The following KLF7 variants were observed in gnomAD, a reference collection of about 807,000 sequenced individuals.
KLF7 encodes KLF transcription factor 7.
KLF7 carries 2 observed loss-of-function variants against 27.3 expected under a neutral mutation model. The observed-to-expected ratio is 0.07, with a 90% CI of 0.03 to 0.23. The LOEUF (loss-of-function observed/expected upper bound fraction) is 0.23. KLF7 is among the 10% of genes least tolerant of loss of function. The pLI, the probability that KLF7 is intolerant of heterozygous loss-of-function variation, is 1.00. For synonymous variants in KLF7, 165 were observed against 162.4 expected, an observed-to-expected ratio of 1.02 and a Z score of -0.12; for missense variants, 221 against 394.1, an observed-to-expected ratio of 0.56 and a Z score of 3.72.
intron 3 of KLF7, among the ~76,000 whole-genome samples, chr2:207,084,100 C>A (rs931317478): frequency 6.6e-6 from 1 of 152,100 alleles, no homozygotes; most frequent in African/African-American, 2.4e-5. Flanking sequence ...GTGGTCAAGG[C>A]AGCAACTAGA....
At chr2:207,129,128 C>T (rs1344035398) in intron 1 of KLF7, among the ~76,000 whole-genome samples, 4 of 152,138 alleles carry the variant, frequency 2.6e-5, no homozygotes, top group South Asian at 2.1e-4. Context: ...CAGGGAGAGA[C>T]GAAGACCATC....
At chr2:207,125,114 T>C (rs28485530) in intron 1 of KLF7, among the ~76,000 whole-genome samples, 4,994 of 152,348 alleles carry the variant, frequency 0.033, 95 homozygotes, top group South Asian at 0.06. Context: ...TTCAATGGTT[T>C]AGCATCTCTG....
intron 2 of KLF7, among the ~76,000 whole-genome samples, chr2:207,111,350 G>A (rs182589181): frequency 2.0e-5 from 3 of 152,262 alleles, no homozygotes; most frequent in Non-Finnish European, 2.9e-5. Flanking sequence ...GTGCGCACAG[G>A]CCACATAAGG....
chr2:207,156,557 A>T (rs1202375475), intron 1 of KLF7, among the ~76,000 whole-genome samples: 3 of 152,216 alleles, frequency 2.0e-5, no homozygotes, highest in Admixed American at 6.5e-5. Context: ...GCCTACTGAG[A>T]ATGAATTGTT....
Position 207,150,558 on chromosome 2 carries a change from A to C in KLF7, c.102+14909T>G, listed in dbSNP as rs1401616571. Reference sequence around the variant, plus strand: ...TACAGCATGTAACAGTTTACAAAGCACTCTCACATCCATATAGCATTTGAT... The same window carrying C: ...TACAGCATGTAACAGTTTACAAAGCCCTCTCACATCCATATAGCATTTGAT... On this transcript the variant is annotated intron_variant, in intron 1 of 3. Coordinates refer to ENST00000309446, the MANE Select transcript of KLF7 (RefSeq NM_003709.4). Among the ~76,000 whole-genome samples, 4 of 152,208 alleles carry C rather than the reference A, an allele frequency of 2.6e-5. 1 individual carries two copies. The highest frequency in any genetic ancestry group is 9.6e-5 in the African/African-American group (4 of 41,462).
At chr2:207,167,050 C>A, upstream of KLF7, 1 of 1,134,580 alleles carries the variant, frequency 8.8e-7, no homozygotes, top group Non-Finnish European at 1.1e-6. Flanking sequence ...CTCGACTGTG[C>A]GTTAAAGAGG....
chr2:207,141,161 C>T (rs1248734247), intron 1 of KLF7, among the ~76,000 whole-genome samples: 1 of 152,070 alleles, frequency 6.6e-6, no homozygotes, highest in Non-Finnish European at 1.5e-5. Context: ...TTTCTCATGA[C>T]CAAATCTTGT....
At chr2:207,087,826 C>T (rs994702628) in intron 3 of KLF7, among the ~76,000 whole-genome samples, 27 of 152,144 alleles carry the variant, frequency 1.8e-4, no homozygotes, top group Admixed American at 7.9e-4. Flanking sequence ...TCTGTTGCTA[C>T]GTGCTCTTTC....
intron 1 of KLF7, among the ~76,000 whole-genome samples, chr2:207,161,985 GCTC>G (rs1206863214): frequency 1.3e-5 from 2 of 152,092 alleles, no homozygotes; most frequent in Non-Finnish European, 2.9e-5. Context: ...AACATGCGAT[GCTC>G]CTCAATGACA....
chr2:207,112,234 CTCTG>C (rs2077057682), intron 2 of KLF7, among the ~76,000 whole-genome samples: 1 of 145,226 alleles, frequency 6.9e-6, no homozygotes. Flanking sequence ...ATTATACCCT[CTCTG>C]TAAGTTTTTC....
At chr2:207,136,801 C>T (rs1245527331) in intron 1 of KLF7, among the ~76,000 whole-genome samples, 2 of 152,158 alleles carry the variant, frequency 1.3e-5, no homozygotes, top group South Asian at 2.1e-4. Context: ...CCAGGGAACA[C>T]GTGAGCTGGT....
At chr2:207,113,395 AG>A (rs1689391731) in intron 2 of KLF7, among the ~76,000 whole-genome samples, 1 of 152,204 alleles carries the variant, frequency 6.6e-6, no homozygotes, top group African/African-American at 2.4e-5. Flanking sequence ...TTGAGAAGGC[AG>A]GATGAGGGGC....
intron 2 of KLF7, among the ~76,000 whole-genome samples, chr2:207,102,126 T>TACA (rs371861690): frequency 2.1e-5 from 3 of 141,172 alleles, no homozygotes; most frequent in African/African-American, 7.7e-5. Flanking sequence ...ACATTCACAT[T>TACA]CACACACACA....
chr2:207,161,730 G>T (rs1322961364), intron 1 of KLF7, among the ~76,000 whole-genome samples: 2 of 152,178 alleles, frequency 1.3e-5, no homozygotes, highest in Non-Finnish European at 2.9e-5. Flanking sequence ...GTTTCAGGGT[G>T]CCTGAAACCA....
intron 2 of KLF7, among the ~76,000 whole-genome samples, chr2:207,092,366 A>G (rs2076531647): frequency 6.6e-6 from 1 of 152,246 alleles, no homozygotes; most frequent in Non-Finnish European, 1.5e-5. Flanking sequence ...CACAGCTCAC[A>G]ATGCTGGAGG....
Position 207,092,534 on chromosome 2 carries a change from C to T in KLF7, c.734-3953G>A, listed in dbSNP as rs139728738. ...TCATGAGGTGAAAACAGACTTATAG[C>T]CAGATGAGGGCTCGTAAGGAGAGGT... On this transcript the variant is annotated intron_variant, in intron 2 of 3. Coordinates refer to ENST00000309446, the MANE Select transcript of KLF7 (RefSeq NM_003709.4). 2.6e-3 allele frequency among the ~76,000 whole-genome samples: 393 copies of T among 152,344 alleles called. 2 individuals are homozygous for T. The highest frequency in any genetic ancestry group is 8.9e-3 in the African/African-American group (372 of 41,576).
intron 1 of KLF7, among the ~76,000 whole-genome samples, chr2:207,160,896 C>T (rs1246087580): frequency 6.6e-6 from 1 of 152,212 alleles, no homozygotes; most frequent in Non-Finnish European, 1.5e-5. Context: ...CATCTTGCAT[C>T]TTCTGCTCTG....
intron 1 of KLF7, among the ~76,000 whole-genome samples, chr2:207,155,131 C>T (rs1287586781): frequency 6.6e-6 from 1 of 152,182 alleles, no homozygotes; most frequent in Non-Finnish European, 1.5e-5. Context: ...CATTCAATAC[C>T]TCAAATCTCA....
At chr2:207,091,668 A>G (rs2076516909) in intron 2 of KLF7, among the ~76,000 whole-genome samples, 1 of 152,226 alleles carries the variant, frequency 6.6e-6, no homozygotes, top group Non-Finnish European at 1.5e-5. Context: ...AAATATATAT[A>G]AAGAATTGGG....
Sources: gnomAD v4.1 joint callset for allele counts (sites outside exome capture counted in the v4.1 genomes callset) on GRCh38, gnomAD v4.1.1 for gene constraint, MANE v1.5 for transcripts, NCBI Gene and HGNC (gene_info 2026-07-23, HGNC 2026-07-21) for gene names.